Variants in STK35 observed in about 807,000 individuals in gnomAD.
The protein encoded by STK35 is serine/threonine-protein kinase 35.
STK35 carries 17 observed loss-of-function variants against 37.3 expected under a neutral mutation model. The ratio of observed to expected loss-of-function variants is 0.46; its 90% confidence interval spans 0.31 to 0.68. STK35 has a LOEUF of 0.68. STK35 is among the 30% of genes least tolerant of loss of function. The probability of loss-of-function intolerance (pLI) is 0.05; values close to 1 mark genes in which losing one functional copy is unlikely to be tolerated. For synonymous variants in STK35, 385 were observed against 319.1 expected (o/e 1.21, Z -2.20); for missense variants, 595 against 746.7 (o/e 0.80, Z 2.37).
At chr20:2,139,690 C>A (rs1405957724) in intron 3 of STK35, among the ~76,000 whole-genome samples, 1 of 152,190 alleles carries the variant, frequency 6.6e-6, no homozygotes, top group African/African-American at 2.4e-5. Context: ...ATGTAAAACA[C>A]TCGATCCTTT....
In STK35 at chr20:2,117,261, T is replaced by C; in HGVS notation, c.1488T>C (p.Thr496=). The C allele has an allele frequency of 1.9e-6, 3 of 1,614,140 alleles. No homozygotes were observed. The highest frequency in any genetic ancestry group is 2.5e-6 in the Non-Finnish European group (3 of 1,180,038). ...MELHIPQKRR[T]SMSEGIKQLL... ...TGCACATCCCCCAAAAACGCAGGAC[T>C]TCCATGTCTGAGGGGATCAAGCAGC... The change falls in exon 3 of 4, where the codon ACT becomes ACC. Residue 496 remains threonine (T), a synonymous_variant. Coordinates refer to ENST00000381482, the MANE Select transcript of STK35 (RefSeq NM_080836.4). The surrounding 1 kb of genome is among the most constrained non-coding windows in gnomAD (Gnocchi z 4.4).
intron 3 of STK35, among the ~76,000 whole-genome samples, chr20:2,126,539 C>T (rs1298930032): frequency 6.6e-6 from 1 of 152,094 alleles, no homozygotes; most frequent in Non-Finnish European, 1.5e-5. Flanking sequence ...TAGTGAAATT[C>T]CCAACTGGAG....
chr20:2,135,617 C>T (rs1352168687), intron 3 of STK35, among the ~76,000 whole-genome samples: 1 of 152,216 alleles, frequency 6.6e-6, no homozygotes, highest in Non-Finnish European at 1.5e-5. Context: ...AATCCCAGCA[C>T]TTTGGGAGGC....
At position 2,102,897 on chromosome 20, in the gene STK35, C is replaced by A; in HGVS notation, c.424C>A (p.Arg142Ser). 1 of 1,565,762 alleles carries A rather than the reference C, an allele frequency of 6.4e-7. No individual in the cohort carries two copies. The highest frequency in any genetic ancestry group is 2.4e-5 in the East Asian group (1 of 41,002). ...CATGGAAACGGGGAAGGACGGCGCC[C>A]GCAGAGGTACACAAAGCCCGGAGCG... ...AAMETGKDGA[R>S]RGTQSPERKR... is the part of the protein sequence containing the mutation. The change falls in exon 2 of 4, where the codon CGC becomes AGC. Residue 142 changes from arginine to serine, a missense_variant. Coordinates refer to ENST00000381482, the MANE Select transcript of STK35 (RefSeq NM_080836.4).
chr20:2,107,277 C>CT (rs1326790658), intron 2 of STK35, among the ~76,000 whole-genome samples: 22 of 152,244 alleles, frequency 1.4e-4, no homozygotes, highest in African/African-American at 5.1e-4. Context: ...CTCACAGACA[C>CT]TAATCCAGGA....
At chr20:2,104,297 G>C (rs992134681) in intron 2 of STK35, among the ~76,000 whole-genome samples, 1 of 152,208 alleles carries the variant, frequency 6.6e-6, no homozygotes, top group Non-Finnish European at 1.5e-5. Context: ...GAGGCAGGAG[G>C]ATCCAGGGGA....
rs764110176 is a variant in STK35, at chr20:2,116,971, C to G, written c.1198C>G (p.Gln400Glu). The change falls in exon 3 of 4, where the codon CAA becomes GAA. Residue 400 changes from glutamine (Q) to glutamate (E), a missense_variant. Gln to Glu is a conservative substitution (Grantham distance 29). This residue lies in a region of STK35 where 109 missense variants were observed against 280.3 expected (regional missense o/e 0.39). Coordinates refer to ENST00000381482, the MANE Select transcript of STK35 (RefSeq NM_080836.4). Reference sequence around the variant, plus strand: ...GGCACCCCGAGGCAAAGAGGGCAATCAAGACAACAAAAATGTGAATGTGAA... The same window carrying G: ...GGCACCCCGAGGCAAAGAGGGCAATGAAGACAACAAAAATGTGAATGTGAA... ...GLAPRGKEGN[Q>E]DNKNVNVNKY... is the part of the protein sequence containing the mutation. 7.4e-6 allele frequency: 12 copies of G among 1,614,028 alleles called. No homozygotes were observed. The Admixed American group carries it at 2.0e-4, about 27-fold the overall frequency.
rs1986215683 is a variant in STK35, at chr20:2,143,994, A to C, written c.*248A>C. 2.5e-6 allele frequency: 1 copy of C among 403,322 alleles called. No homozygotes were observed. The highest frequency in any genetic ancestry group is 1.8e-5 in the South Asian group (1 of 54,532). 25.0% of individuals were successfully genotyped at this position (403,322 alleles called of 1,614,324 possible). ...TTCCTCTTTCCTTTTTTTAAATTTA[A>C]ACCATTGAGACTTCAGAAGAGCAGG... On this transcript the variant is annotated 3_prime_UTR_variant, in exon 4 of 4. Coordinates refer to ENST00000381482, the MANE Select transcript of STK35 (RefSeq NM_080836.4).
At chr20:2,104,598 A>C (rs1985478833) in intron 2 of STK35, among the ~76,000 whole-genome samples, 1 of 152,088 alleles carries the variant, frequency 6.6e-6, no homozygotes, top group African/African-American at 2.4e-5. Flanking sequence ...GAACTTTTTT[A>C]AGAGTGGGTA....
Position 2,117,207 on chromosome 20 carries a change from G to A in STK35, c.1434G>A (p.Glu478=), listed in dbSNP as rs1985732047. The A allele has an allele frequency of 3.1e-6, 5 of 1,614,182 alleles. No homozygotes were observed. Among genetic ancestry groups the A allele is most frequent in the Non-Finnish European group, 4.2e-6 (5 of 1,180,034 alleles). Residue 478 remains glutamate (E), a synonymous_variant, in exon 3 of 4, where the codon GAG becomes GAA. Coordinates refer to ENST00000381482, the MANE Select transcript of STK35 (RefSeq NM_080836.4). This position sits in a 1 kb window ranked among gnomAD's most constrained non-coding sequence, Gnocchi z 4.4. ...KQGTEIVPVG[E]ALLENPKMEL... is the part of the protein sequence containing the mutation. ...GGACTGAGATCGTCCCTGTTGGTGA[G>A]GCGCTGCTAGAAAACCCAAAGATGG...
rs1259996096 is a variant in STK35, at chr20:2,102,128, G to A, written c.247G>A (p.Ala83Thr). ...CGGAGCGGACCATCCCCAGGCAGGG[G>A]CTCCAGGGGGGAAACGGGCCGCCCG... ...GPGADHPQAG[A>T]PGGKRAARKW... Residue 83 changes from alanine (A) to threonine (T), a missense_variant, in exon 1 of 4, where the codon GCT becomes ACT. Around this residue, in one of 3 missense-constraint regions of STK35, gnomAD observed 389 missense variants for 320.0 expected, o/e 1.22. Transcript: ENST00000381482. 7.1e-7 allele frequency: 1 copy of A among 1,409,600 alleles called. No individual in the cohort carries two copies. Among genetic ancestry groups the A allele is most frequent in the Non-Finnish European group, 9.2e-7 (1 of 1,081,758 alleles). The allele number at this position is 1,409,600 out of a possible 1,614,324, so 87.3% of individuals were successfully genotyped here.
In STK35 at chr20:2,102,012, C is replaced by T. The variant is rs1191385875; in HGVS notation, c.131C>T (p.Pro44Leu). ...GGGAGCCTAGGAGCCCAGGCTTCCC[C>T]AGCGAGCGCCGCGGCAGCAGAAGGA... ...SHGSLGAQAS[P>L]ASAAAAEGSA... The change falls in exon 1 of 4, where the codon CCA (proline) becomes CTA (leucine). Residue 44 changes from proline to leucine, a missense_variant. Physicochemically the swap from Pro to Leu is moderately conservative, Grantham distance 98. Coordinates refer to ENST00000381482, the MANE Select transcript of STK35 (RefSeq NM_080836.4). The T allele has an allele frequency of 6.5e-7, 1 of 1,527,618 alleles. No individual in the cohort carries two copies. The highest frequency in any genetic ancestry group is 8.8e-7 in the Non-Finnish European group (1 of 1,142,846). The allele number at this position is 1,527,618 out of a possible 1,614,324, so 94.6% of individuals were successfully genotyped here.
intron 2 of STK35, among the ~76,000 whole-genome samples, chr20:2,106,852 AAG>A (rs1410051317): frequency 6.6e-6 from 1 of 152,212 alleles, no homozygotes; most frequent in Non-Finnish European, 1.5e-5. Context: ...GAGGAATAGA[AAG>A]AGGTCTTAGA....
rs752173662 is a variant in STK35 at position 2,103,322 on chromosome 20, G to A, written c.849G>A (p.Lys283=). 32 of 1,612,794 alleles carry A rather than the reference G, an allele frequency of 2.0e-5. No individual in the cohort carries two copies. Among genetic ancestry groups the A allele is most frequent in the African/African-American group, 4.0e-5 (3 of 74,912 alleles). Residue 283 remains lysine, a synonymous_variant, in exon 2 of 4, where the codon AAG becomes AAA. Coordinates refer to ENST00000381482, the MANE Select transcript of STK35 (RefSeq NM_080836.4). ...GLAQRMSHGN[K]SSQLYLRLVE... Reference sequence around the variant, plus strand: ...CCCAGCGCATGAGTCACGGCAACAAGAGCTCGCAGCTTTACCTGCGCCTGG... The same window carrying A: ...CCCAGCGCATGAGTCACGGCAACAAAAGCTCGCAGCTTTACCTGCGCCTGG...
At chr20:2,133,636 A>G (rs1000558250) in intron 3 of STK35, among the ~76,000 whole-genome samples, 1 of 152,254 alleles carries the variant, frequency 6.6e-6, no homozygotes, top group East Asian at 1.9e-4. Flanking sequence ...AGACGCAGAC[A>G]AGATGACTCA....
chr20:2,112,191 C>T (rs1985632318), intron 2 of STK35, among the ~76,000 whole-genome samples: 1 of 152,196 alleles, frequency 6.6e-6, no homozygotes, highest in African/African-American at 2.4e-5. Context: ...TATTTCTTTA[C>T]AGGAAGTGCC....
At chr20:2,108,233 GTGCGGTGGCTCACACC>G (rs1301521981) in intron 2 of STK35, among the ~76,000 whole-genome samples, 1 of 152,264 alleles carries the variant, frequency 6.6e-6, no homozygotes, top group African/African-American at 2.4e-5. Context: ...CTCAGGCCGT[GTGCGGTGGCTCACACC>G]TGTAATCCCA....
At chr20:2,126,806 T>TCA (rs1264615107) in intron 3 of STK35, among the ~76,000 whole-genome samples, 1 of 152,222 alleles carries the variant, frequency 6.6e-6, no homozygotes, top group Non-Finnish European at 1.5e-5. Flanking sequence ...TAAAGAAATT[T>TCA]CACTTTCAGT....
rs969678016 is a variant in STK35, at chr20:2,144,071, A to G, written c.*325A>G. 2 of 346,274 alleles carry G rather than the reference A, an allele frequency of 5.8e-6. No homozygotes were observed. Among genetic ancestry groups the G allele is most frequent in the Non-Finnish European group, 1.1e-5 (2 of 181,866 alleles). The allele number at this position is 346,274 out of a possible 1,614,324, so 21.5% of individuals were successfully genotyped here. A position where few individuals can be genotyped will look rare whatever the true frequency, so the allele number is the denominator to read the frequency against. ...TTCTTTAAAGAAATTCAATGTGGGCAAGGCATATGTGTAAATTTCACTTTT... is the reference window on the plus strand; with the variant it reads ...TTCTTTAAAGAAATTCAATGTGGGCGAGGCATATGTGTAAATTTCACTTTT... On this transcript the variant is annotated 3_prime_UTR_variant, in exon 4 of 4. Transcript: ENST00000381482.
Sources: gnomAD v4.1 joint callset for allele counts (sites outside exome capture counted in the v4.1 genomes callset) on GRCh38, gnomAD v4.1.1 for gene constraint, gnomAD v4.1.1 regional missense constraint, Gnocchi (gnomAD v3.1) non-coding constraint, MANE v1.5 for transcripts, NCBI Gene and HGNC (gene_info 2026-07-23, HGNC 2026-07-21) for gene names.